Variants in PAK3 observed in about 807,000 individuals in gnomAD.
The protein encoded by PAK3 is p21 (RAC1) activated kinase 3.
A neutral mutation model predicts 41.0 loss-of-function variants in PAK3; 4 were observed. The ratio of observed to expected loss-of-function variants is 0.10; its 90% CI spans 0.05 to 0.22. The LOEUF (loss-of-function observed/expected upper bound fraction) is 0.22, where lower values mean the gene tolerates loss of function less well. Ranked by LOEUF, PAK3 falls within the 10% of genes least tolerant of loss-of-function variation. The pLI, the probability that PAK3 is intolerant of heterozygous loss-of-function variation, is 1.00. For missense variants in PAK3, 205 were observed against 409.9 expected, an observed-to-expected ratio of 0.50 and a Z score of 4.32; for synonymous variants, 146 against 139.6, an observed-to-expected ratio of 1.05 and a Z score of -0.32.
chrX:111,079,585 ATGT>A (rs1305006064), intron 1 of PAK3, among the ~76,000 whole-genome samples: 2 of 112,150 alleles, frequency 1.8e-5, no homozygotes, highest in African/African-American at 3.2e-5. Flanking sequence ...AAGGAGATTA[ATGT>A]TGTTTTCATG....
At chrX:111,200,461 A>G (rs755950565) in intron 16 of PAK3, among the ~76,000 whole-genome samples, 5 of 111,852 alleles carry the variant, frequency 4.5e-5, no homozygotes, top group Non-Finnish European at 7.5e-5. Flanking sequence ...CTCATGCAAC[A>G]ATCTGGAAAT....
intron 16 of PAK3, among the ~76,000 whole-genome samples, chrX:111,197,674 C>T (rs992186290): frequency 4.5e-5 from 5 of 111,127 alleles, no homozygotes; most frequent in African/African-American, 1.3e-4. Flanking sequence ...TCCTGAACCT[C>T]GCCAGCATCT....
intron 5 of PAK3, among the ~76,000 whole-genome samples, chrX:111,137,031 A>G (rs1417010985): frequency 8.9e-6 from 1 of 111,762 alleles, no homozygotes; most frequent in Non-Finnish European, 1.9e-5. Flanking sequence ...AGGAAAGGGT[A>G]TGAAGGAGGT....
In PAK3 at chrX:111,222,173, T is replaced by C. The variant is rs1024960131; in HGVS notation, c.*1726T>C. The C allele has an allele frequency of 3.6e-5, 4 of 112,301 alleles. No homozygotes were observed. Among genetic ancestry groups the C allele is most frequent in the Admixed American group, 1.9e-4 (2 of 10,565 alleles). The allele number at this position is 112,301 out of a possible 1,213,427, so 9.3% of individuals were successfully genotyped here. A position where few individuals can be genotyped will look rare whatever the true frequency, so the allele number is the denominator to read the frequency against. ...TATAAAAGAATCTAAACAGAACTTATGTACATTCAGCCAGAAGGGGAAAGA... is the reference window on the plus strand; with the variant it reads ...TATAAAAGAATCTAAACAGAACTTACGTACATTCAGCCAGAAGGGGAAAGA... On this transcript the variant is annotated 3_prime_UTR_variant, in exon 18 of 18. Transcript: ENST00000372007.
chrX:111,175,082 T>C (rs1212134981), intron 11 of PAK3, among the ~76,000 whole-genome samples: 1 of 111,752 alleles, frequency 8.9e-6, no homozygotes, highest in Non-Finnish European at 1.9e-5. Context: ...AAAAAGACAG[T>C]ATTATGTACT....
intron 5 of PAK3, among the ~76,000 whole-genome samples, chrX:111,137,927 A>G (rs2093814076): frequency 8.9e-6 from 1 of 112,115 alleles, no homozygotes. Context: ...AAATGCTCAC[A>G]GAATTTTGCA....
intron 10 of PAK3, among the ~76,000 whole-genome samples, chrX:111,166,635 A>AT (rs2094258920): frequency 9.0e-6 from 1 of 111,234 alleles, no homozygotes; most frequent in African/African-American, 3.3e-5. Flanking sequence ...TATAGGATGG[A>AT]TTTTAAGGAG....
intron 11 of PAK3, among the ~76,000 whole-genome samples, chrX:111,178,609 A>G (rs2094431306): frequency 9.0e-6 from 1 of 111,068 alleles, no homozygotes; most frequent in African/African-American, 3.3e-5. Context: ...TAGGGATGAA[A>G]GACACACTCA....
chrX:111,178,961 A>T (rs1175810089), intron 11 of PAK3, among the ~76,000 whole-genome samples: 7 of 97,346 alleles, frequency 7.2e-5, no homozygotes, highest in East Asian at 3.1e-4. Context: ...AAACTGTTTT[A>T]TATATATATA....
chrX:110,991,880 G>GA (rs199591326), intron 1 of PAK3, among the ~76,000 whole-genome samples: 2,790 of 107,496 alleles, frequency 0.026, 42 homozygotes, highest in Middle Eastern at 0.048. Flanking sequence ...GATATGACAA[G>GA]AAAAAAAAAC....
chrX:110,962,392 G>A (rs1198167470), intron 1 of PAK3, among the ~76,000 whole-genome samples: 1 of 112,230 alleles, frequency 8.9e-6, no homozygotes, highest in East Asian at 2.8e-4. Flanking sequence ...CATCTTGACT[G>A]CCACATCTCT....
intron 7 of PAK3, among the ~76,000 whole-genome samples, chrX:111,151,259 A>T (rs16986384): frequency 0.16 from 17,413 of 112,154 alleles, 2,793 homozygotes; most frequent in African/African-American, 0.49. Context: ...ACTGTAACCA[A>T]GAATACACTT....
chrX:111,160,515 T>C (rs1296074111), intron 8 of PAK3, among the ~76,000 whole-genome samples: 2 of 109,698 alleles, frequency 1.8e-5, no homozygotes, highest in Admixed American at 9.8e-5. Context: ...GTGCACAACG[T>C]GCAGGTTTGT....
chrX:111,075,244 C>T (rs1048015873), intron 1 of PAK3, among the ~76,000 whole-genome samples: 1 of 112,571 alleles, frequency 8.9e-6, no homozygotes, highest in African/African-American at 3.2e-5. Context: ...GGGGAAAAGG[C>T]CTTGAAGGCA....
At chrX:111,148,714 G>A (rs911102943) in intron 7 of PAK3, among the ~76,000 whole-genome samples, 4 of 111,058 alleles carry the variant, frequency 3.6e-5, no homozygotes, top group Non-Finnish European at 7.5e-5. Context: ...AATAGCATGG[G>A]AAAGACCAGC....
At chrX:110,967,493 G>GGTGAGGACT (rs1278397236) in intron 1 of PAK3, among the ~76,000 whole-genome samples, 1 of 111,252 alleles carries the variant, frequency 9.0e-6, no homozygotes, top group Non-Finnish European at 1.9e-5. Context: ...CAGGGGCCTG[G>GGTGAGGACT]GTGAGGACTG....
rs964974341 is a variant in PAK3, at chrX:111,225,631, T to C, written c.*5184T>C. The C allele has an allele frequency of 1.8e-5, 2 of 111,724 alleles. No homozygotes were observed. The highest frequency in any genetic ancestry group is 3.8e-5 in the Non-Finnish European group (2 of 53,295). 9.2% of individuals were successfully genotyped at this position (111,724 alleles called of 1,213,427 possible). Reference sequence around the variant, plus strand: ...AGGAAGAAGGAGCCCCGGAGTCTAATATGAGCTTTATTACTAAATTGCTAT... The same window carrying C: ...AGGAAGAAGGAGCCCCGGAGTCTAACATGAGCTTTATTACTAAATTGCTAT... On this transcript the variant is annotated 3_prime_UTR_variant, in exon 18 of 18. Transcript: ENST00000372007.
intron 1 of PAK3, among the ~76,000 whole-genome samples, chrX:110,987,206 C>A (rs1477293991): frequency 5.3e-5 from 6 of 112,181 alleles, no homozygotes; most frequent in Non-Finnish European, 1.1e-4. Flanking sequence ...ATCATGGAAT[C>A]CATTATTTTT....
chrX:111,049,947 G>A (rs1227737664), intron 1 of PAK3, among the ~76,000 whole-genome samples: 1 of 111,316 alleles, frequency 9.0e-6, no homozygotes, highest in Non-Finnish European at 1.9e-5. Flanking sequence ...AATTCTACAG[G>A]AAGGACTGAG....
Sources: allele counts gnomAD v4.1 joint callset (sites outside exome capture counted in the v4.1 genomes callset), GRCh38; gene constraint gnomAD v4.1.1; transcripts MANE v1.5; gene names NCBI Gene and HGNC (gene_info 2026-07-23, HGNC 2026-07-21).